STXBP5L: variants seen among roughly 807,000 people sequenced by gnomAD.
The protein encoded by STXBP5L is syntaxin-binding protein 5-like.
In STXBP5L, 65 loss-of-function variants were observed where a neutral mutation model predicts 144.5. The ratio of observed to expected loss-of-function variants is 0.45; its 90% CI spans 0.37 to 0.55. The LOEUF (loss-of-function observed/expected upper bound fraction) is 0.55, where lower values mean the gene tolerates loss of function less well. STXBP5L is among the 20% of genes least tolerant of loss of function. STXBP5L has a pLI of 0.00. For synonymous variants in STXBP5L, 505 were observed against 469.6 expected, an observed-to-expected ratio of 1.08 and a Z score of -0.97; for missense variants, 1,298 against 1,405.5, an observed-to-expected ratio of 0.92 and a Z score of 1.22.
At chr3:120,917,066 A>C (rs1254533644) in intron 2 of STXBP5L, among the ~76,000 whole-genome samples, 4 of 152,240 alleles carry the variant, frequency 2.6e-5, no homozygotes, top group African/African-American at 7.2e-5. Flanking sequence ...GCAGAATAAT[A>C]TGAGGAAAAT....
chr3:121,410,571 C>T (rs530127146), intron 23 of STXBP5L, among the ~76,000 whole-genome samples: 2 of 152,006 alleles, frequency 1.3e-5, no homozygotes, highest in South Asian at 4.2e-4. Context: ...CTCTCCTGAG[C>T]CCAGTCTTCT....
chr3:121,209,913 T>A (rs1271711083), intron 10 of STXBP5L, among the ~76,000 whole-genome samples: 6 of 152,236 alleles, frequency 3.9e-5, no homozygotes, highest in Non-Finnish European at 8.8e-5. Flanking sequence ...TGTGTCTTTA[T>A]AGCAGCATGA....
intron 20 of STXBP5L, among the ~76,000 whole-genome samples, chr3:121,372,942 AG>A (rs1381512487): frequency 1.3e-5 from 2 of 152,238 alleles, no homozygotes; most frequent in Non-Finnish European, 2.9e-5. Context: ...TATTTTTAAA[AG>A]AATAAGTAAA....
chr3:121,093,790 T>C (rs1364687346), intron 5 of STXBP5L, among the ~76,000 whole-genome samples: 1 of 152,236 alleles, frequency 6.6e-6, no homozygotes, highest in Non-Finnish European at 1.5e-5. Flanking sequence ...GTTCTGATTT[T>C]AGTTATTTCT....
chr3:120,991,789 C>T (rs1014929685), intron 3 of STXBP5L, among the ~76,000 whole-genome samples: 7 of 147,128 alleles, frequency 4.8e-5, no homozygotes, highest in Non-Finnish European at 5.9e-5. Flanking sequence ...GGGTGGCAAA[C>T]ATCACACACC....
intron 3 of STXBP5L, among the ~76,000 whole-genome samples, chr3:120,958,484 A>G (rs914541622): frequency 6.7e-6 from 1 of 148,422 alleles, no homozygotes; most frequent in Non-Finnish European, 1.5e-5. Context: ...AGTATCCCTG[A>G]TGAAGATCAA....
At chr3:121,168,724 C>T (rs996150351) in intron 9 of STXBP5L, among the ~76,000 whole-genome samples, 5 of 152,042 alleles carry the variant, frequency 3.3e-5, no homozygotes, top group Non-Finnish European at 5.9e-5. Flanking sequence ...ATTGGTGTAC[C>T]TAAAAGTGAA....
At chr3:121,039,354 TATA>T (rs1182855820) in intron 3 of STXBP5L, among the ~76,000 whole-genome samples, 4 of 151,946 alleles carry the variant, frequency 2.6e-5, no homozygotes, top group African/African-American at 9.7e-5. Flanking sequence ...TTATGAATGG[TATA>T]ATAGTAAAGT....
chr3:121,333,989 T>C (rs1488746564), intron 20 of STXBP5L, among the ~76,000 whole-genome samples: 1 of 151,990 alleles, frequency 6.6e-6, no homozygotes, highest in Non-Finnish European at 1.5e-5. Context: ...GATAATTGAA[T>C]CATGGCAGCA....
chr3:120,993,672 A>T (rs963156991), intron 3 of STXBP5L, among the ~76,000 whole-genome samples: 8 of 151,666 alleles, frequency 5.3e-5, no homozygotes, highest in Non-Finnish European at 1.2e-4. Context: ...GTCTGTTTTT[A>T]TATCCATATC....
intron 5 of STXBP5L, among the ~76,000 whole-genome samples, chr3:121,107,141 T>C (rs2043751813): frequency 6.6e-6 from 1 of 152,148 alleles, no homozygotes; most frequent in African/African-American, 2.4e-5. Context: ...TTCTGGATGT[T>C]AGACCTTTGT....
intron 3 of STXBP5L, among the ~76,000 whole-genome samples, chr3:121,029,669 A>G (rs1414463525): frequency 6.6e-6 from 1 of 152,194 alleles, no homozygotes. Context: ...ACAAAAGGCA[A>G]AATTGACAAA....
chr3:121,125,639 C>T (rs995683279), intron 7 of STXBP5L, among the ~76,000 whole-genome samples: 1 of 152,104 alleles, frequency 6.6e-6, no homozygotes, highest in African/African-American at 2.4e-5. Context: ...TGCTTGAATT[C>T]TCTTAGCTTC....
At chr3:121,169,933 CA>C (rs1263532221) in intron 9 of STXBP5L, among the ~76,000 whole-genome samples, 3 of 152,230 alleles carry the variant, frequency 2.0e-5, no homozygotes, top group Admixed American at 2.0e-4. Context: ...TAAAATTGAC[CA>C]CATAATTGGA....
intron 10 of STXBP5L, among the ~76,000 whole-genome samples, chr3:121,216,898 GGGAAGCCCTCTGGCTACAGCCTCTTTGT>G (rs771886159): frequency 1.9e-3 from 284 of 152,284 alleles, no homozygotes; most frequent in Non-Finnish European, 3.1e-3. Flanking sequence ...GAGGAATCTA[GGGAAGCCCTCTGGCTACAGCCTCTTTGT>G]GGAGCTGTGG....
Position 121,291,359 on chromosome 3 carries a change from G to A in STXBP5L, c.2110+11403G>A, listed in dbSNP as rs368119407. ...AATTTACCTAACTAAGGAGGTGAAC[G>A]ATCTCTACAAGGAAAACTACAAAAC... On this transcript the variant is annotated intron_variant, in intron 19 of 26. Coordinates refer to ENST00000471454, the MANE Select transcript of STXBP5L (RefSeq NM_001308330.2). Among the ~76,000 whole-genome samples, 49 of 152,024 alleles carry A rather than the reference G, an allele frequency of 3.2e-4. 1 individual carries two copies. The East Asian group carries it at 5.8e-3, about 18-fold the overall frequency.
chr3:121,033,997 G>A (rs575576136), intron 3 of STXBP5L, among the ~76,000 whole-genome samples: 2 of 152,042 alleles, frequency 1.3e-5, no homozygotes, highest in East Asian at 3.9e-4. Context: ...CAAGTCTTTT[G>A]GATAGTAACT....
intron 19 of STXBP5L, among the ~76,000 whole-genome samples, chr3:121,313,743 C>CA (rs1256965871): frequency 8.0e-6 from 1 of 125,032 alleles, no homozygotes; most frequent in Non-Finnish European, 1.7e-5. Context: ...GCTGACCCCC[C>CA]CCACCTCCCT....
chr3:121,364,681 A>G (rs769234957), intron 20 of STXBP5L, among the ~76,000 whole-genome samples: 3 of 151,898 alleles, frequency 2.0e-5, no homozygotes, highest in Non-Finnish European at 4.4e-5. Context: ...GGTTAAATTA[A>G]TTCTTAAGTA....
Sources: allele counts gnomAD v4.1 joint callset (sites outside exome capture counted in the v4.1 genomes callset), GRCh38; gene constraint gnomAD v4.1.1; transcripts MANE v1.5; gene names NCBI Gene and HGNC (gene_info 2026-07-23, HGNC 2026-07-21).